Variants in EVC observed in about 807,000 individuals in gnomAD.
EVC encodes EvC ciliary complex subunit 1, also known as evC complex member EVC.
EVC carries 116 observed loss-of-function variants against 118.9 expected under a neutral mutation model. The ratio of observed to expected loss-of-function variants is 0.98; its 90% CI spans 0.84 to 1.14. EVC has a LOEUF of 1.14. Ranked by LOEUF, EVC falls within the 50% of genes most tolerant of loss-of-function variation. The pLI is 0.00. For synonymous variants in EVC, 619 were observed against 534.7 expected, an observed-to-expected ratio of 1.16 and a Z score of -2.18; for missense variants, 1,401 against 1,246.4, an observed-to-expected ratio of 1.12 and a Z score of -1.87.
At position 5,795,535 on chromosome 4, in the gene EVC, C is replaced by A. The variant is rs542205066; in HGVS notation, c.1887-1487C>A. Among the ~76,000 whole-genome samples the A allele has an allele frequency of 5.9e-5, 9 of 152,306 alleles. No individual in the cohort carries two copies. The East Asian group carries it at 1.7e-3, about 29-fold the overall frequency. On this transcript the variant is annotated intron_variant, in intron 13 of 20. Transcript: ENST00000264956. ...GGCGTGGTGGCAGGTGCCTGTAATC[C>A]CAGCTACTTGGGAGACTGAGGCACA... is the stretch of plus-strand genomic sequence containing the variant.
chr4:5,797,180 AGGGGTCCTC>A lies in EVC; in HGVS notation c.2046_2054del (p.Gln682_Ser685delinsHis). ...CTGCGGGAACAGCGTGCACTGGAGC[AGGGGTCCTC>A]CCAGTGCCTGGACGAGCATCAGTGG... On this transcript the variant is annotated inframe_deletion, in exon 14 of 21. Transcript: ENST00000264956. 6.2e-7 allele frequency: 1 copy of A among 1,613,334 alleles called. No homozygotes were observed. The highest frequency in any genetic ancestry group is 8.5e-7 in the Non-Finnish European group (1 of 1,179,998).
intron 3 of EVC, among the ~76,000 whole-genome samples, chr4:5,729,682 C>T (rs2151922113): frequency 6.6e-6 from 1 of 152,300 alleles, no homozygotes; most frequent in South Asian, 2.1e-4. Context: ...CGACTCAGTT[C>T]TGAGCGCTAA....
In EVC at chr4:5,811,059, A is replaced by C. The variant is rs374213158; in HGVS notation, c.*22A>C. On this transcript the variant is annotated 3_prime_UTR_variant, in exon 21 of 21. Coordinates refer to ENST00000264956, the MANE Select transcript of EVC (RefSeq NM_153717.3). ...GTAGTTTAAGACCAGTCGGTGGGAC[A>C]AGACCTGAAGCCCTGGGTCTGGGTG... 12 of 1,589,076 alleles carry C rather than the reference A, an allele frequency of 7.6e-6. No individual in the cohort carries two copies. Among genetic ancestry groups the C allele is most frequent in the Admixed American group, 1.7e-5 (1 of 58,836 alleles).
chr4:5,724,875 C>G (rs1362539314), intron 2 of EVC, among the ~76,000 whole-genome samples: 1 of 152,052 alleles, frequency 6.6e-6, no homozygotes, highest in Non-Finnish European at 1.5e-5. Context: ...TCCTCTCCCT[C>G]CCCTCGCCCC....
intron 11 of EVC, among the ~76,000 whole-genome samples, chr4:5,767,549 G>A (rs976908962): frequency 2.6e-5 from 4 of 151,102 alleles, no homozygotes; most frequent in Non-Finnish European, 5.9e-5. Context: ...AGCAATCAGC[G>A]AGACTCCTTG....
Position 5,748,289 on chromosome 4 carries a change from CAGG to C in EVC, c.1084_1086del (p.Glu362del), listed in dbSNP as rs1553873980. Reference sequence around the variant, plus strand: ...AGCCGAAGGGCTATTGTGCGATTCTCAGGAGCTGCAGGCTCTGGTAATGCTGGA... The same window carrying C: ...AGCCGAAGGGCTATTGTGCGATTCTCAGCTGCAGGCTCTGGTAATGCTGGA... On this transcript the variant is annotated inframe_deletion, in exon 8 of 21. Coordinates refer to ENST00000264956, the MANE Select transcript of EVC (RefSeq NM_153717.3). 2 of 1,614,112 alleles carry C rather than the reference CAGG, an allele frequency of 1.2e-6. No homozygotes were observed. Among genetic ancestry groups the C allele is most frequent in the Non-Finnish European group, 1.7e-6 (2 of 1,180,022 alleles).
At chr4:5,733,475 C>T (rs1327651988) in intron 5 of EVC, 40 bp downstream of exon 5, 2 of 1,543,246 alleles carry the variant, frequency 1.3e-6, no homozygotes, top group Non-Finnish European at 1.8e-6. Context: ...TTCATGGGGA[C>T]AGGAGCTGGG....
At chr4:5,824,620 AAT>A in the EVC span, 12 of 950,502 alleles carry the variant, frequency 1.3e-5, no homozygotes, top group African/African-American at 1.8e-5. Flanking sequence ...ATGACCTGAG[AAT>A]AGTTTGTACA....
At chr4:5,826,474 CTGCAGGAGGACGA>C in the EVC span, 1 of 152,500 alleles carries the variant, frequency 6.6e-6, no homozygotes, top group Non-Finnish European at 1.5e-5. Flanking sequence ...CCACACCAGC[CTGCAGGAGGACGA>C]GGAAGGAGGG....
In EVC at chr4:5,766,723, C is replaced by T. The variant is rs1367459271; in HGVS notation, c.1563+10361C>T. On this transcript the variant is annotated intron_variant, in intron 11 of 20. Transcript: ENST00000264956. Reference sequence around the variant, plus strand: ...GCTCCTGAGGCTTCTGCATTCTTCACGTAGTTCTCGAGCCTTGGTTTTCAG... The same window carrying T: ...GCTCCTGAGGCTTCTGCATTCTTCATGTAGTTCTCGAGCCTTGGTTTTCAG... 8.3e-5 allele frequency among the ~76,000 whole-genome samples: 11 copies of T among 132,988 alleles called. No individual in the cohort carries two copies. In the South Asian group the frequency reaches 1.7e-3, roughly 20 times the overall value. 87.2% of individuals were successfully genotyped at this position (132,988 alleles called of 152,430 possible). A position where few individuals can be genotyped will look rare whatever the true frequency, so the allele number is the denominator to read the frequency against.
chr4:5,818,615 C>T (rs28426993), downstream of EVC, among the ~76,000 whole-genome samples: 24,139 of 151,932 alleles, frequency 0.16, 2,486 homozygotes, highest in African/African-American at 0.3. Flanking sequence ...ATCATGGGAG[C>T]GGGACCAGCA....
At chr4:5,715,381 G>A (rs991043029) in intron 1 of EVC, among the ~76,000 whole-genome samples, 3 of 152,202 alleles carry the variant, frequency 2.0e-5, no homozygotes, top group African/African-American at 7.2e-5. Context: ...CTCTACCCCA[G>A]ACTCACTGAA....
Position 5,737,060 on chromosome 4 carries a change from A to G in EVC, c.702+3625A>G, listed in dbSNP as rs550480179. Among the ~76,000 whole-genome samples, 4 of 152,348 alleles carry G rather than the reference A, an allele frequency of 2.6e-5. No homozygotes were observed. The South Asian group carries it at 6.2e-4, about 24-fold the overall frequency. Reference sequence around the variant, plus strand: ...GTTCTTGAAGGAAATTAAAAGTGCTACGCCAGTGAACACACGAATGATCAG... The same window carrying G: ...GTTCTTGAAGGAAATTAAAAGTGCTGCGCCAGTGAACACACGAATGATCAG... On this transcript the variant is annotated intron_variant, in intron 5 of 20. Coordinates refer to ENST00000264956, the MANE Select transcript of EVC (RefSeq NM_153717.3). The surrounding 1 kb of genome is among the most constrained non-coding windows in gnomAD (Gnocchi z 5.0).
At chr4:5,714,803 G>C (rs1004660924) in intron 1 of EVC, among the ~76,000 whole-genome samples, 1 of 151,268 alleles carries the variant, frequency 6.6e-6, no homozygotes, top group South Asian at 2.1e-4. Context: ...TTTGTTTTTT[G>C]TTTGTTTTTT....
intron 7 of EVC, among the ~76,000 whole-genome samples, chr4:5,747,449 C>T (rs1402956293): frequency 6.6e-6 from 1 of 152,194 alleles, no homozygotes; most frequent in Non-Finnish European, 1.5e-5. Context: ...CCTGTTCCTA[C>T]ACCTCTAGAT....
At position 5,756,506 on chromosome 4, in the gene EVC, C is replaced by T. The variant is rs1261419955; in HGVS notation, c.1563+144C>T. 2.8e-6 allele frequency: 2 copies of T among 721,894 alleles called. No homozygotes were observed. The highest frequency in any genetic ancestry group is 2.4e-6 in the Non-Finnish European group (1 of 409,388). 44.7% of individuals were successfully genotyped at this position (721,894 alleles called of 1,614,324 possible). A position where few individuals can be genotyped will look rare whatever the true frequency, so the allele number is the denominator to read the frequency against. Reference sequence around the variant, plus strand: ...GCCGGTGATCCACGCAGGCTGTGTCCCCTCCATGCGATCCTCCTTGCCCAC... The same window carrying T: ...GCCGGTGATCCACGCAGGCTGTGTCTCCTCCATGCGATCCTCCTTGCCCAC... On this transcript the variant is annotated intron_variant, in intron 11 of 20. Coordinates refer to ENST00000264956, the MANE Select transcript of EVC (RefSeq NM_153717.3). This position sits in a 1 kb window ranked among gnomAD's most constrained non-coding sequence, Gnocchi z 4.2.
At chr4:5,741,921 CA>C in intron 6 of EVC, 107 bp downstream of exon 6, 1 of 596,144 alleles carries the variant, frequency 1.7e-6, no homozygotes, top group East Asian at 3.0e-5. Context: ...TAGCTTATTA[CA>C]ATATATACTT....
At chr4:5,787,588 A>G (rs942797317) in intron 12 of EVC, among the ~76,000 whole-genome samples, 2 of 152,044 alleles carry the variant, frequency 1.3e-5, no homozygotes, top group East Asian at 3.9e-4. Flanking sequence ...AGACCTGCCA[A>G]CCCTCATTTC....
chr4:5,820,881 A>G, the EVC span: 3 of 152,096 alleles, frequency 2.0e-5, no homozygotes, highest in African/African-American at 7.3e-5. Context: ...GAGTGATTAC[A>G]AAGGAAAACT....
Sources: allele counts gnomAD v4.1 joint callset (sites outside exome capture counted in the v4.1 genomes callset), GRCh38; gene constraint gnomAD v4.1.1; non-coding constraint Gnocchi (gnomAD v3.1); transcripts MANE v1.5; gene names NCBI Gene and HGNC (gene_info 2026-07-23, HGNC 2026-07-21).